TMEM163: variants seen among roughly 807,000 people sequenced by gnomAD.
TMEM163 encodes transmembrane protein 163.
TMEM163 carries 17 observed loss-of-function variants against 29.3 expected under a neutral mutation model. The ratio of observed to expected loss-of-function variants is 0.58; its 90% CI spans 0.40 to 0.87. The LOEUF (loss-of-function observed/expected upper bound fraction) is 0.87. Among genes scored for constraint, TMEM163 ranks in the 40% least tolerant of loss-of-function variants. TMEM163 has a pLI of 0.00. For synonymous variants in TMEM163, 157 were observed against 160.6 expected, an observed-to-expected ratio of 0.98 and a Z score of 0.17; for missense variants, 303 against 381.5, an observed-to-expected ratio of 0.79 and a Z score of 1.71.
chr2:134,460,163 G>T lies in TMEM163; in HGVS notation c.668-1990C>A, dbSNP rs1317686876. 7.0e-6 allele frequency among the ~76,000 whole-genome samples: 1 copy of T among 142,516 alleles called. No individual in the cohort carries two copies. Among genetic ancestry groups the T allele is most frequent in the African/African-American group, 2.7e-5 (1 of 37,530 alleles). The allele number at this position is 142,516 out of a possible 152,430, so 93.5% of individuals were successfully genotyped here. ...CCCTCCCTGTACCCCGCCACAGCCA[G>T]AGGGACCCTCTGTCGGTGAGCAGCA... On this transcript the variant is annotated intron_variant, in intron 6 of 7. Coordinates refer to ENST00000281924, the MANE Select transcript of TMEM163 (RefSeq NM_030923.5). This position sits in a 1 kb window ranked among gnomAD's most constrained non-coding sequence, Gnocchi z 4.3.
intron 4 of TMEM163, among the ~76,000 whole-genome samples, chr2:134,525,164 G>A (rs887402389): frequency 2.0e-5 from 3 of 152,144 alleles, no homozygotes; most frequent in Non-Finnish European, 2.9e-5. Context: ...AAGAATCACC[G>A]TCTTCAAAAG....
intron 5 of TMEM163, among the ~76,000 whole-genome samples, chr2:134,485,768 G>A (rs1021878271): frequency 6.6e-6 from 1 of 152,162 alleles, no homozygotes; most frequent in Non-Finnish European, 1.5e-5. Flanking sequence ...AAATCAACAG[G>A]TCTGATCCAC....
At chr2:134,484,122 CAG>C (rs1363508820) in intron 5 of TMEM163, among the ~76,000 whole-genome samples, 1 of 152,104 alleles carries the variant, frequency 6.6e-6, no homozygotes, top group Non-Finnish European at 1.5e-5. Context: ...GCCTGGCTGA[CAG>C]GGTAAGAATC....
At chr2:134,553,048 A>G (rs1239950017) in intron 2 of TMEM163, among the ~76,000 whole-genome samples, 2 of 152,166 alleles carry the variant, frequency 1.3e-5, no homozygotes, top group African/African-American at 4.8e-5. Context: ...AGCTTCAAAG[A>G]CTTCTCAATT....
intron 4 of TMEM163, among the ~76,000 whole-genome samples, chr2:134,510,537 G>A (rs575186206): frequency 6.1e-4 from 93 of 152,238 alleles, no homozygotes; most frequent in African/African-American, 2.1e-3. Flanking sequence ...CTCTACGCAC[G>A]GGCCATGACA....
At chr2:134,462,418 C>G (rs1686565158) in intron 6 of TMEM163, among the ~76,000 whole-genome samples, 1 of 152,186 alleles carries the variant, frequency 6.6e-6, no homozygotes, top group Admixed American at 6.5e-5. Context: ...AAATCCCACC[C>G]TAGACCTCAA....
At chr2:134,634,408 G>T (rs1430600302) in intron 2 of TMEM163, among the ~76,000 whole-genome samples, 4 of 152,150 alleles carry the variant, frequency 2.6e-5, no homozygotes, top group African/African-American at 9.7e-5. Flanking sequence ...GGTTGAGCAT[G>T]TAAAGCACTT....
intron 5 of TMEM163, among the ~76,000 whole-genome samples, chr2:134,492,955 T>C (rs1679461725): frequency 1.3e-5 from 2 of 152,228 alleles, no homozygotes; most frequent in South Asian, 4.1e-4. Flanking sequence ...AACATTTTAC[T>C]CTCTCACCAT....
intron 2 of TMEM163, among the ~76,000 whole-genome samples, chr2:134,606,442 G>C (rs1682363131): frequency 1.3e-5 from 2 of 152,088 alleles, no homozygotes; most frequent in South Asian, 4.1e-4. Context: ...TCAAAGTCAA[G>C]GGCATCCTTC....
intron 2 of TMEM163, among the ~76,000 whole-genome samples, chr2:134,647,320 T>C (rs1683355814): frequency 6.6e-6 from 1 of 152,112 alleles, no homozygotes; most frequent in Non-Finnish European, 1.5e-5. Flanking sequence ...AAAGAAATAG[T>C]CTCAGCCTTT....
rs187051717 is a variant in TMEM163, at chr2:134,471,486, G to T, written c.556-5261C>A. 1.1e-4 allele frequency among the ~76,000 whole-genome samples: 16 copies of T among 152,308 alleles called. No individual in the cohort carries two copies. The East Asian group carries it at 2.3e-3, about 22-fold the overall frequency. On this transcript the variant is annotated intron_variant, in intron 5 of 7. Transcript: ENST00000281924. ...TCCCTCACCAGATGCTGACTCTGCTGGCACATTCATTGTGGACTTCAGTCT... is the reference window on the plus strand; with the variant it reads ...TCCCTCACCAGATGCTGACTCTGCTTGCACATTCATTGTGGACTTCAGTCT...
chr2:134,666,039 G>A (rs1431223738), intron 2 of TMEM163, among the ~76,000 whole-genome samples: 1 of 152,142 alleles, frequency 6.6e-6, no homozygotes, highest in African/African-American at 2.4e-5. Flanking sequence ...TCTGAGATCT[G>A]ATACTGTCAT....
chr2:134,535,231 G>A (rs527871264), intron 4 of TMEM163, among the ~76,000 whole-genome samples: 4 of 152,184 alleles, frequency 2.6e-5, no homozygotes, highest in African/African-American at 4.8e-5. Context: ...TGACTTCCAC[G>A]CCACTGACAC....
At chr2:134,627,948 A>T (rs989991411) in intron 2 of TMEM163, among the ~76,000 whole-genome samples, 1 of 152,212 alleles carries the variant, frequency 6.6e-6, no homozygotes, top group Non-Finnish European at 1.5e-5. Context: ...AAAATGTATA[A>T]TCTATCTAAT....
intron 2 of TMEM163, among the ~76,000 whole-genome samples, chr2:134,646,599 C>CATGCCCAG (rs958603213): frequency 1.3e-5 from 2 of 152,092 alleles, no homozygotes; most frequent in African/African-American, 4.8e-5. Flanking sequence ...TGTGCATCAC[C>CATGCCCAG]ATGCCCAGCT....
chr2:134,485,481 G>A (rs1679286434), intron 5 of TMEM163, among the ~76,000 whole-genome samples: 1 of 152,184 alleles, frequency 6.6e-6, no homozygotes, highest in African/African-American at 2.4e-5. Context: ...TATGATTACA[G>A]GAACTGCGTA....
At chr2:134,463,208 A>C (rs1247607458) in intron 6 of TMEM163, among the ~76,000 whole-genome samples, 2 of 152,230 alleles carry the variant, frequency 1.3e-5, no homozygotes, top group Non-Finnish European at 2.9e-5. Flanking sequence ...GGGCTGGGCC[A>C]GAGTGTGGCC....
chr2:134,465,189 T>TAAAAAAACAAA (rs1686637159), intron 6 of TMEM163, among the ~76,000 whole-genome samples: 12 of 117,734 alleles, frequency 1.0e-4, no homozygotes, highest in Admixed American at 6.9e-4. Context: ...TCCGCATCTT[T>TAAAAAAACAAA]AAAAAAAAAA....
chr2:134,509,869 G>T (rs907356273), intron 4 of TMEM163, among the ~76,000 whole-genome samples: 1 of 152,240 alleles, frequency 6.6e-6, no homozygotes, highest in African/African-American at 2.4e-5. Flanking sequence ...ACAATGGACA[G>T]GAATCATGAA....
Sources: allele counts gnomAD v4.1 joint callset (sites outside exome capture counted in the v4.1 genomes callset), GRCh38; gene constraint gnomAD v4.1.1; non-coding constraint Gnocchi (gnomAD v3.1); transcripts MANE v1.5; gene names NCBI Gene and HGNC (gene_info 2026-07-23, HGNC 2026-07-21).